Variants in LRP2 observed in about 807,000 individuals in gnomAD.
LRP2 encodes the protein low-density lipoprotein receptor-related protein 2.
LRP2 carries 172 observed loss-of-function variants against 531.0 expected under a neutral mutation model. That is an observed-to-expected ratio of 0.32 (90% CI 0.29 to 0.37). The LOEUF (loss-of-function observed/expected upper bound fraction) is 0.37. Among genes scored for constraint, LRP2 ranks in the 10% least tolerant of loss-of-function variants. The pLI is 1.00. For missense variants in LRP2, 5,167 were observed against 5,868.3 expected (o/e 0.88, Z 3.90); for synonymous variants, 1,992 against 2,027.6 (o/e 0.98, Z 0.47).
chr2:169,169,189 C>T (rs1198580259), intron 60 of LRP2, among the ~76,000 whole-genome samples: 1 of 152,184 alleles, frequency 6.6e-6, no homozygotes, highest in East Asian at 1.9e-4. Flanking sequence ...ACATAAGAAA[C>T]TCCATTTTGA....
At chr2:169,222,500 T>A (rs1171127056) in intron 33 of LRP2, among the ~76,000 whole-genome samples, 1 of 152,130 alleles carries the variant, frequency 6.6e-6, no homozygotes, top group East Asian at 1.9e-4. Flanking sequence ...TTTCCCTACG[T>A]CTTCATTTGG....
intron 3 of LRP2, among the ~76,000 whole-genome samples, chr2:169,313,284 G>A (rs1684668095): frequency 6.6e-6 from 1 of 152,148 alleles, no homozygotes; most frequent in South Asian, 2.1e-4. Flanking sequence ...GAGAAGAGGT[G>A]CTCTGATTTT....
chr2:169,231,635 T>A, intron 31 of LRP2, 79 bp downstream of exon 31: 1 of 1,572,014 alleles, frequency 6.4e-7, no homozygotes. Context: ...TCAGTCGCAA[T>A]TGGTTTTAGA....
In LRP2 at chr2:169,213,563, C is replaced by T. The variant is rs976281662; in HGVS notation, c.6040+94G>A. ...TTCAATTTGTATGCACGTGTATGTA[C>T]GTGAAACTGTGTGTGGGTGTGTGCT... is the stretch of plus-strand genomic sequence containing the variant. On this transcript the variant is annotated intron_variant, in intron 36 of 78. Transcript: ENST00000649046. 1.1e-4 allele frequency: 110 copies of T among 997,612 alleles called. 1 individual carries two copies. Among genetic ancestry groups the T allele is most frequent in the Non-Finnish European group, 1.1e-4 (71 of 621,670 alleles). The allele number at this position is 997,612 out of a possible 1,614,324, so 61.8% of individuals were successfully genotyped here.
chr2:169,236,745 A>G (rs1219909031), intron 28 of LRP2, among the ~76,000 whole-genome samples: 1 of 152,210 alleles, frequency 6.6e-6, no homozygotes, highest in Non-Finnish European at 1.5e-5. Flanking sequence ...TTTTTGTTGT[A>G]TAATCATGAG....
At chr2:169,294,411 A>G in intron 5 of LRP2, 150 bp from the exon 6 acceptor site, 1 of 759,836 alleles carries the variant, frequency 1.3e-6, no homozygotes, top group East Asian at 2.7e-5. Flanking sequence ...GTTATCCAGG[A>G]ACAAAAAGGC....
chr2:169,238,031 A>C, intron 27 of LRP2, 60 bp downstream of exon 27: 1 of 1,457,614 alleles, frequency 6.9e-7, no homozygotes, highest in East Asian at 2.3e-5. Context: ...GGTGAATAAC[A>C]GCAAACAGAC....
intron 6 of LRP2, among the ~76,000 whole-genome samples, chr2:169,293,672 C>T (rs1684060756): frequency 9.1e-6 from 1 of 110,158 alleles, no homozygotes; most frequent in African/African-American, 3.5e-5. Flanking sequence ...AAAACTCCAT[C>T]TCCAAAAAAA....
chr2:169,177,912 C>G lies in LRP2; in HGVS notation c.10284G>C (p.Arg3428Ser). The G allele has an allele frequency of 6.2e-7, 1 of 1,614,184 alleles. No homozygotes were observed. The highest frequency in any genetic ancestry group is 8.5e-7 in the Non-Finnish European group (1 of 1,180,016). The change falls in exon 53 of 79, where the codon AGG becomes AGC. Residue 3428 changes from arginine (R) to serine (S), a missense_variant. Physicochemically the swap from Arg to Ser is moderately radical, Grantham distance 110. Transcript: ENST00000649046. ...CATATTTGTTTCCCTTTTCCACTGTCCTTGTATTCCAATCTGTCCAATAAA... is the reference window on the plus strand; with the variant it reads ...CATATTTGTTTCCCTTTTCCACTGTGCTTGTATTCCAATCTGTCCAATAAA... ...DTIYWTDWNT[R>S]TVEKGNKYDG...
chr2:169,209,471 C>T lies in LRP2; in HGVS notation c.6451G>A (p.Ala2151Thr). 6.2e-7 allele frequency: 1 copy of T among 1,614,074 alleles called. No individual in the cohort carries two copies. ...TACATACCTGCTACCCAATCCACTG[C>T]AATACCCCGGACTCCATTTTCTCCT... The part of the protein sequence containing the change: ...GIGENGVRGI[A>T]VDWVAGNLYF... The change falls in exon 38 of 79, where the codon GCA becomes ACA. Residue 2151 changes from alanine (A) to threonine (T), a missense_variant. Ala to Thr is a moderately conservative substitution (Grantham distance 58). This residue lies in a region of LRP2 where 2,811 missense variants were observed against 3,058.0 expected (regional missense o/e 0.92). Coordinates refer to ENST00000649046, the MANE Select transcript of LRP2 (RefSeq NM_004525.3).
intron 10 of LRP2, among the ~76,000 whole-genome samples, chr2:169,281,944 GC>G (rs1446327123): frequency 6.6e-6 from 1 of 151,946 alleles, no homozygotes; most frequent in Non-Finnish European, 1.5e-5. Context: ...TAAAGAAACG[GC>G]AATTACTCAT....
At chr2:169,216,489 C>T (rs1435914108) in intron 34 of LRP2, 59 bp from the exon 35 acceptor site, 1 of 1,535,794 alleles carries the variant, frequency 6.5e-7, no homozygotes, top group Non-Finnish European at 9.0e-7. Flanking sequence ...GAGTCAGTGA[C>T]ATAAATGACA....
intron 12 of LRP2, 145 bp from the exon 13 acceptor site, chr2:169,278,096 T>TG (rs1491499757): frequency 2.0e-5 from 9 of 449,342 alleles, no homozygotes; most frequent in Admixed American, 1.6e-4. Flanking sequence ...AATTAAGTTG[T>TG]TTTTTTTTTT....
At chr2:169,285,809 A>T (rs1171677710) in intron 9 of LRP2, among the ~76,000 whole-genome samples, 1 of 152,174 alleles carries the variant, frequency 6.6e-6, no homozygotes, top group Non-Finnish European at 1.5e-5. Flanking sequence ...ACACTACCAG[A>T]GGCAGATGAA....
At chr2:169,236,504 G>C (rs1010316033) in intron 28 of LRP2, among the ~76,000 whole-genome samples, 1 of 152,020 alleles carries the variant, frequency 6.6e-6, no homozygotes, top group African/African-American at 2.4e-5. Context: ...ACAATATCTA[G>C]GAATTCAACA....
intron 63 of LRP2, among the ~76,000 whole-genome samples, chr2:169,161,941 C>T (rs779625452): frequency 2.4e-4 from 36 of 152,144 alleles, no homozygotes; most frequent in African/African-American, 8.0e-4. Context: ...ATGTGCACAA[C>T]GTGCAGGTTT....
At position 169,240,682 on chromosome 2, in the gene LRP2, G is replaced by A. The variant is rs1209500995; in HGVS notation, c.4045+306C>T. 7.6e-6 allele frequency: 4 copies of A among 527,252 alleles called. No individual in the cohort carries two copies. In the East Asian group the frequency reaches 8.8e-5, roughly 12 times the overall value. 32.7% of individuals were successfully genotyped at this position (527,252 alleles called of 1,614,324 possible). A position where few individuals can be genotyped will look rare whatever the true frequency, so the allele number is the denominator to read the frequency against. The stretch of plus-strand genomic sequence containing the variant: ...AAATATTAAAGTTAGAAAAATTAAT[G>A]AGCACATTACCAACAGAACCAAATT... On this transcript the variant is annotated intron_variant, in intron 25 of 78. Coordinates refer to ENST00000649046, the MANE Select transcript of LRP2 (RefSeq NM_004525.3).
chr2:169,318,471 T>C (rs546292657), intron 3 of LRP2, among the ~76,000 whole-genome samples: 245 of 152,334 alleles, frequency 1.6e-3, no homozygotes, highest in Middle Eastern at 3.4e-3. Flanking sequence ...GACACCCAGC[T>C]ATACACTCCA....
intron 57 of LRP2, 86 bp downstream of exon 57, chr2:169,173,010 A>G: frequency 3.6e-5 from 50 of 1,381,034 alleles, no homozygotes; most frequent in Non-Finnish European, 4.5e-5. Context: ...GACATGGGAA[A>G]TACACTCTCA....
Sources: allele counts gnomAD v4.1 joint callset (sites outside exome capture counted in the v4.1 genomes callset), GRCh38; gene constraint gnomAD v4.1.1; regional missense constraint gnomAD v4.1.1; transcripts MANE v1.5; gene names NCBI Gene and HGNC (gene_info 2026-07-23, HGNC 2026-07-21).